PID1: variants seen among roughly 807,000 people sequenced by gnomAD.
PID1 encodes phosphotyrosine interaction domain containing 1.
Under a neutral mutation model 19.1 loss-of-function variants are expected in PID1, and 10 were observed. The observed-to-expected ratio is 0.52, with a 90% confidence interval of 0.32 to 0.89. PID1 has a LOEUF of 0.89. PID1 is among the 40% of genes least tolerant of loss of function. PID1 has a pLI of 0.03. For missense variants in PID1, 248 were observed against 285.3 expected, an observed-to-expected ratio of 0.87 and a Z score of 0.94; for synonymous variants, 130 against 116.0, an observed-to-expected ratio of 1.12 and a Z score of -0.78.
chr2:229,161,658 A>G (rs1690495258), intron 1 of PID1, among the ~76,000 whole-genome samples: 1 of 152,232 alleles, frequency 6.6e-6, no homozygotes, highest in South Asian at 2.1e-4. Context: ...AATAATCTGA[A>G]GTAGGTATTA....
At chr2:229,139,538 A>C (rs1689968036) in intron 2 of PID1, among the ~76,000 whole-genome samples, 1 of 152,150 alleles carries the variant, frequency 6.6e-6, no homozygotes, top group South Asian at 2.1e-4. Flanking sequence ...AAAAACAAAC[A>C]ACGAACAAAA....
At chr2:229,080,017 C>T (rs963345474) in intron 2 of PID1, among the ~76,000 whole-genome samples, 3 of 152,044 alleles carry the variant, frequency 2.0e-5, no homozygotes, top group Non-Finnish European at 4.4e-5. Context: ...AGCTGCAGTC[C>T]AGCAACAGGG....
chr2:229,056,703 G>A (rs1157693749), intron 2 of PID1, among the ~76,000 whole-genome samples: 3 of 150,926 alleles, frequency 2.0e-5, no homozygotes, highest in Admixed American at 6.6e-5. Flanking sequence ...CAAGCAATCT[G>A]ATAATCAAAA....
intron 2 of PID1, among the ~76,000 whole-genome samples, chr2:229,082,535 G>T (rs1247216422): frequency 2.0e-5 from 3 of 152,150 alleles, no homozygotes; most frequent in African/African-American, 7.2e-5. Flanking sequence ...ATTTTCTCTT[G>T]CTGTAACAAA....
intron 1 of PID1, among the ~76,000 whole-genome samples, chr2:229,193,694 G>C (rs1691311922): frequency 6.6e-6 from 1 of 151,548 alleles, no homozygotes; most frequent in Non-Finnish European, 1.5e-5. Context: ...GAGAGTATGT[G>C]TGTGTGAAGA....
chr2:229,137,589 G>A (rs368479732), intron 2 of PID1, among the ~76,000 whole-genome samples: 4 of 129,808 alleles, frequency 3.1e-5, no homozygotes, highest in African/African-American at 1.1e-4. Flanking sequence ...AAGTCCTGAA[G>A]GCAGGTAATG....
chr2:229,047,306 T>C (rs944240569), intron 2 of PID1, among the ~76,000 whole-genome samples: 1 of 152,140 alleles, frequency 6.6e-6, no homozygotes, highest in Non-Finnish European at 1.5e-5. Context: ...CCCACCCTGC[T>C]AGCAAAAGGA....
intron 2 of PID1, among the ~76,000 whole-genome samples, chr2:229,129,839 G>A (rs1432799197): frequency 2.0e-5 from 3 of 152,170 alleles, no homozygotes; most frequent in Non-Finnish European, 4.4e-5. Flanking sequence ...CCGGAGACTA[G>A]CACCCACGGC....
chr2:229,066,473 A>G (rs1486898822), intron 2 of PID1, among the ~76,000 whole-genome samples: 1 of 152,094 alleles, frequency 6.6e-6, no homozygotes, highest in South Asian at 2.1e-4. Context: ...ATTTTTGAAA[A>G]CCATTCTAAC....
intron 2 of PID1, among the ~76,000 whole-genome samples, chr2:229,080,566 A>G (rs1158061906): frequency 6.6e-6 from 1 of 152,134 alleles, no homozygotes; most frequent in African/African-American, 2.4e-5. Flanking sequence ...ACCCTCATAT[A>G]TGCACCAATT....
chr2:229,117,432 A>G (rs1374553170), intron 2 of PID1, among the ~76,000 whole-genome samples: 1 of 152,158 alleles, frequency 6.6e-6, no homozygotes, highest in Non-Finnish European at 1.5e-5. Flanking sequence ...AGACAAAGAC[A>G]ACATTATTGC....
chr2:229,073,048 C>T lies in PID1; in HGVS notation c.178-46940G>A, dbSNP rs183784121. Reference sequence around the variant, plus strand: ...CATTTATTTATTTATTTTTTTGAGACGGAGTCTCGCTCTGTCACCCAGGCT... The same window carrying T: ...CATTTATTTATTTATTTTTTTGAGATGGAGTCTCGCTCTGTCACCCAGGCT... On this transcript the variant is annotated intron_variant, in intron 2 of 2. Transcript: ENST00000392055. Among the ~76,000 whole-genome samples the T allele has an allele frequency of 6.6e-5, 10 of 152,232 alleles. No homozygotes were observed. The East Asian group carries it at 1.4e-3, about 21-fold the overall frequency.
At chr2:229,219,435 C>T (rs140239616) in intron 1 of PID1, among the ~76,000 whole-genome samples, 85 of 152,306 alleles carry the variant, frequency 5.6e-4, no homozygotes, top group African/African-American at 1.9e-3. Context: ...ACGAGAACAG[C>T]AGCAAGAAGG....
At chr2:229,089,997 C>T (rs1291665180) in intron 2 of PID1, among the ~76,000 whole-genome samples, 1 of 152,128 alleles carries the variant, frequency 6.6e-6, no homozygotes, top group Non-Finnish European at 1.5e-5. Flanking sequence ...GAACAAGTTA[C>T]GTACCCCAAA....
chr2:229,069,019 G>A (rs1446209928), intron 2 of PID1, among the ~76,000 whole-genome samples: 3 of 152,066 alleles, frequency 2.0e-5, no homozygotes, highest in East Asian at 1.9e-4. Context: ...TCTCTTTGAG[G>A]AAGAATATCT....
chr2:229,159,846 T>C (rs1690456677), intron 1 of PID1, among the ~76,000 whole-genome samples: 1 of 152,206 alleles, frequency 6.6e-6, no homozygotes, highest in Admixed American at 6.5e-5. Context: ...GTTTCTGTCC[T>C]TGCTCCTAAT....
At position 229,209,432 on chromosome 2, in the gene PID1, C is replaced by A. The variant is rs551309566; in HGVS notation, c.31-53468G>T. ...AACATCTGCCTCTTATCAGCAAAAT[C>A]TTTAAGGAAGTAGCTGTGCCTCCTC... On this transcript the variant is annotated intron_variant, in intron 1 of 2. Coordinates refer to ENST00000392055, the MANE Select transcript of PID1 (RefSeq NM_001100818.2). Among the ~76,000 whole-genome samples the A allele has an allele frequency of 1.0e-3, 152 of 152,304 alleles. 2 individuals are homozygous for A. The highest frequency in any genetic ancestry group is 3.4e-3 in the Middle Eastern group (1 of 294).
chr2:229,169,856 T>G (rs1360957637), intron 1 of PID1, among the ~76,000 whole-genome samples: 1 of 152,168 alleles, frequency 6.6e-6, no homozygotes, highest in Non-Finnish European at 1.5e-5. Context: ...CCAGATGACT[T>G]AGACAAACTC....
chr2:229,067,047 G>A (rs1051308507), intron 2 of PID1, among the ~76,000 whole-genome samples: 3 of 152,108 alleles, frequency 2.0e-5, no homozygotes, highest in Admixed American at 6.6e-5. Flanking sequence ...CAGGGCTAGG[G>A]AGGCCTCAGG....
Sources: gnomAD v4.1 joint callset for allele counts (sites outside exome capture counted in the v4.1 genomes callset) on GRCh38, gnomAD v4.1.1 for gene constraint, MANE v1.5 for transcripts, NCBI Gene and HGNC (gene_info 2026-07-23, HGNC 2026-07-21) for gene names.